The following SLCO2A1 variants were observed in gnomAD, a reference collection of about 807,000 sequenced individuals.
SLCO2A1 encodes solute carrier organic anion transporter family member 2A1.
A neutral mutation model predicts 71.7 loss-of-function variants in SLCO2A1; 60 were observed. The observed-to-expected ratio is 0.84, with a 90% CI of 0.68 to 1.04. The LOEUF (loss-of-function observed/expected upper bound fraction) is 1.04, where lower values mean the gene tolerates loss of function less well. Among genes scored for constraint, SLCO2A1 ranks in the 50% least tolerant of loss-of-function variants. The pLI, the probability that SLCO2A1 is intolerant of heterozygous loss-of-function variation, is 0.00. For missense variants in SLCO2A1, 745 were observed against 813.4 expected (o/e 0.92, Z 1.02); for synonymous variants, 308 against 326.7 (o/e 0.94, Z 0.62).
At chr3:134,005,649 T>C (rs1228140767) in intron 1 of SLCO2A1, among the ~76,000 whole-genome samples, 1 of 151,742 alleles carries the variant, frequency 6.6e-6, no homozygotes, top group East Asian at 1.9e-4. Flanking sequence ...GCCCGGCTAA[T>C]TTTTTGTATT....
chr3:134,007,286 A>G (rs1404615346), intron 1 of SLCO2A1, among the ~76,000 whole-genome samples: 1 of 152,142 alleles, frequency 6.6e-6, no homozygotes, highest in African/African-American at 2.4e-5. Context: ...CATTCTCTTG[A>G]TTGTGTCACT....
chr3:133,944,512 T>A (rs1395585885), intron 10 of SLCO2A1, among the ~76,000 whole-genome samples: 1 of 152,238 alleles, frequency 6.6e-6, no homozygotes, highest in Non-Finnish European at 1.5e-5. Context: ...AGTGGAAAGC[T>A]GGTGGCCAGA....
At chr3:134,026,299 G>A (rs756594419) in intron 1 of SLCO2A1, among the ~76,000 whole-genome samples, 8 of 151,420 alleles carry the variant, frequency 5.3e-5, no homozygotes, top group South Asian at 4.2e-4. Context: ...GTTGCAAACC[G>A]TGTGGACCCA....
chr3:133,985,350 C>T (rs976516855), intron 1 of SLCO2A1, among the ~76,000 whole-genome samples: 17 of 152,154 alleles, frequency 1.1e-4, no homozygotes, highest in African/African-American at 1.4e-4. Flanking sequence ...TATGTAACTC[C>T]GCATCCACAC....
chr3:134,025,022 C>A (rs1051897314), intron 1 of SLCO2A1, among the ~76,000 whole-genome samples: 3 of 151,918 alleles, frequency 2.0e-5, no homozygotes, highest in African/African-American at 7.3e-5. Context: ...CTTTGCCAAC[C>A]CCTGCAAAGT....
intron 1 of SLCO2A1, among the ~76,000 whole-genome samples, chr3:134,003,525 A>G (rs1310673314): frequency 6.6e-6 from 1 of 152,230 alleles, no homozygotes; most frequent in Non-Finnish European, 1.5e-5. Flanking sequence ...GTCTCCTTGC[A>G]GAAGCTTACC....
At chr3:134,006,100 G>T (rs1935209370) in intron 1 of SLCO2A1, among the ~76,000 whole-genome samples, 1 of 151,712 alleles carries the variant, frequency 6.6e-6, no homozygotes, top group Non-Finnish European at 1.5e-5. Flanking sequence ...AGTCTTGCCT[G>T]GGCTGGAGTG....
Position 133,945,388 on chromosome 3 carries a change from C to A in SLCO2A1, c.1296-128G>T, listed in dbSNP as rs553707823. 25 of 906,442 alleles carry A rather than the reference C, an allele frequency of 2.8e-5. No individual in the cohort carries two copies. The East Asian group carries it at 6.4e-4, about 23-fold the overall frequency. The allele number at this position is 906,442 out of a possible 1,614,324, so 56.1% of individuals were successfully genotyped here. A position where few individuals can be genotyped will look rare whatever the true frequency, so the allele number is the denominator to read the frequency against. ...CATCTTTATTTCTTTTGGGCCAGTG[C>A]CACCCTGGGATCTGAATTATGCCTG... On this transcript the variant is annotated intron_variant, in intron 9 of 13. Coordinates refer to ENST00000310926, the MANE Select transcript of SLCO2A1 (RefSeq NM_005630.3).
intron 1 of SLCO2A1, 38 bp downstream of exon 1, chr3:134,029,669 G>C (rs768227323): frequency 6.6e-7 from 1 of 1,511,782 alleles, no homozygotes; most frequent in Non-Finnish European, 8.9e-7. Context: ...TGCGCCAGGC[G>C]CGGCTCCGGC....
At chr3:134,000,727 C>T (rs1350636058) in intron 1 of SLCO2A1, among the ~76,000 whole-genome samples, 1 of 152,176 alleles carries the variant, frequency 6.6e-6, no homozygotes, top group Non-Finnish European at 1.5e-5. Context: ...AAATGGCAAC[C>T]CAGTCGCAAC....
chr3:133,948,857 C>T (rs1412636367), intron 7 of SLCO2A1, 36 bp downstream of exon 7: 2 of 1,608,224 alleles, frequency 1.2e-6, no homozygotes, highest in South Asian at 1.1e-5. Context: ...CTCCCCCGCA[C>T]TGTGCCAGCC....
At chr3:133,941,173 G>T (rs532329112) in intron 11 of SLCO2A1, among the ~76,000 whole-genome samples, 2 of 152,110 alleles carry the variant, frequency 1.3e-5, no homozygotes, top group Admixed American at 6.5e-5. Context: ...CTTATAAATA[G>T]GGTAAAATCC....
At chr3:134,007,003 G>GT (rs1435887653) in intron 1 of SLCO2A1, among the ~76,000 whole-genome samples, 2 of 152,068 alleles carry the variant, frequency 1.3e-5, no homozygotes, top group African/African-American at 2.4e-5. Flanking sequence ...CTGTTGTTTT[G>GT]TTTTTTTATA....
intron 12 of SLCO2A1, among the ~76,000 whole-genome samples, chr3:133,938,200 T>C (rs1480820815): frequency 6.6e-6 from 1 of 152,260 alleles, no homozygotes; most frequent in Admixed American, 6.5e-5. Context: ...CTTTTCATTT[T>C]TCTTACATAA....
intron 1 of SLCO2A1, among the ~76,000 whole-genome samples, chr3:134,017,116 G>C (rs1935469893): frequency 6.6e-6 from 1 of 152,186 alleles, no homozygotes; most frequent in Admixed American, 6.5e-5. Context: ...TCTGTATCTT[G>C]AAGTGGTGGG....
chr3:133,993,170 C>T (rs1006788498), intron 1 of SLCO2A1, among the ~76,000 whole-genome samples: 1 of 152,242 alleles, frequency 6.6e-6, no homozygotes, highest in Non-Finnish European at 1.5e-5. Context: ...GCTCCCCCTC[C>T]CCAGGGAGTA....
At chr3:134,020,099 C>T (rs753490509) in intron 1 of SLCO2A1, among the ~76,000 whole-genome samples, 6 of 152,114 alleles carry the variant, frequency 3.9e-5, no homozygotes, top group Non-Finnish European at 7.3e-5. Flanking sequence ...CTGTTTTGTT[C>T]CGATCTAATT....
chr3:133,955,002 C>T lies in SLCO2A1; in HGVS notation c.589G>A (p.Asp197Asn). 2 of 1,614,182 alleles carry T rather than the reference C, an allele frequency of 1.2e-6. No homozygotes were observed. Among genetic ancestry groups the T allele is most frequent in the Non-Finnish European group, 8.5e-7 (1 of 1,180,038 alleles). ...IQPFGISYVD[D>N]FSEPSNSPLY... ...GGCGAGTTGCTGGGCTCTGAGAAGT[C>T]ATCCACATAGGAGATCCCAAATGGC... is the stretch of plus-strand genomic sequence containing the variant. The change falls in exon 4 of 14, where the codon GAC becomes AAC. Residue 197 changes from aspartate to asparagine, a missense_variant. Physicochemically the swap from Asp to Asn is conservative, Grantham distance 23. Coordinates refer to ENST00000310926, the MANE Select transcript of SLCO2A1 (RefSeq NM_005630.3).
intron 12 of SLCO2A1, among the ~76,000 whole-genome samples, chr3:133,937,579 A>T (rs929167294): frequency 1.6e-4 from 25 of 152,212 alleles, no homozygotes; most frequent in African/African-American, 6.0e-4. Flanking sequence ...AATGAGGCAC[A>T]GTGGGCTATA....
Sources: allele counts gnomAD v4.1 joint callset (sites outside exome capture counted in the v4.1 genomes callset), GRCh38; gene constraint gnomAD v4.1.1; transcripts MANE v1.5; gene names NCBI Gene and HGNC (gene_info 2026-07-23, HGNC 2026-07-21).